SORCS3: variants seen among roughly 807,000 people sequenced by gnomAD.
The protein encoded by SORCS3 is VPS10 domain-containing receptor SorCS3.
Under a neutral mutation model 146.3 loss-of-function variants are expected in SORCS3, and 57 were observed. The observed-to-expected ratio is 0.39, with a 90% CI of 0.31 to 0.49. SORCS3 has a LOEUF of 0.49. Ranked by LOEUF, SORCS3 falls within the 20% of genes least tolerant of loss-of-function variation. SORCS3 has a pLI of 0.92. For missense variants in SORCS3, 1,341 were observed against 1,575.5 expected (o/e 0.85, Z 2.52); for synonymous variants, 653 against 618.5 (o/e 1.06, Z -0.83).
Position 105,218,085 on chromosome 10 carries a change from C to T in SORCS3, c.2734+963C>T, listed in dbSNP as rs144183916. On this transcript the variant is annotated intron_variant, in intron 19 of 26. Transcript: ENST00000369701. Reference sequence around the variant, plus strand: ...ACTCTATTGTATAAACAACCTACACCTTAAGAGGTCCCTGGCAAACAGTAA... The same window carrying T: ...ACTCTATTGTATAAACAACCTACACTTTAAGAGGTCCCTGGCAAACAGTAA... Among the ~76,000 whole-genome samples the T allele has an allele frequency of 5.9e-3, 898 of 152,264 alleles. 11 individuals are homozygous for T. The highest frequency in any genetic ancestry group is 0.027 in the Middle Eastern group (8 of 294).
At chr10:105,142,332 A>G (rs1476599262) in intron 8 of SORCS3, among the ~76,000 whole-genome samples, 1 of 152,132 alleles carries the variant, frequency 6.6e-6, no homozygotes, top group African/African-American at 2.4e-5. Flanking sequence ...GAAATGGCTT[A>G]TTGCAGACCC....
chr10:105,042,516 AG>A (rs1271639102), intron 4 of SORCS3, among the ~76,000 whole-genome samples: 1 of 152,168 alleles, frequency 6.6e-6, no homozygotes, highest in Non-Finnish European at 1.5e-5. Context: ...GGTGTTATAA[AG>A]GGGTCAGACT....
chr10:105,141,660 A>G (rs893799544), intron 8 of SORCS3, among the ~76,000 whole-genome samples: 1 of 152,128 alleles, frequency 6.6e-6, no homozygotes, highest in Non-Finnish European at 1.5e-5. Context: ...AACAATGAGG[A>G]GCATTATTAG....
chr10:105,118,330 A>G (rs190033802), intron 7 of SORCS3, among the ~76,000 whole-genome samples: 329 of 152,048 alleles, frequency 2.2e-3, no homozygotes, highest in Non-Finnish European at 3.5e-3. Context: ...TCCTTCTGTC[A>G]TGATTGTAAG....
chr10:104,884,699 C>T (rs1230765817), intron 2 of SORCS3, among the ~76,000 whole-genome samples: 2 of 151,828 alleles, frequency 1.3e-5, no homozygotes, highest in Non-Finnish European at 2.9e-5. Context: ...CAAAATTCAA[C>T]ACACTTAACA....
intron 2 of SORCS3, among the ~76,000 whole-genome samples, chr10:104,851,694 C>T (rs1369562960): frequency 1.3e-5 from 2 of 152,194 alleles, no homozygotes; most frequent in African/African-American, 4.8e-5. Flanking sequence ...TCAACTCACA[C>T]AGAGCCTATC....
At chr10:105,085,238 C>T (rs2055652548) in intron 5 of SORCS3, among the ~76,000 whole-genome samples, 1 of 152,232 alleles carries the variant, frequency 6.6e-6, no homozygotes, top group Admixed American at 6.5e-5. Flanking sequence ...ACAGTGCCAA[C>T]ATTGAAAAGC....
intron 2 of SORCS3, among the ~76,000 whole-genome samples, chr10:104,904,376 G>A (rs1000995237): frequency 2.2e-4 from 34 of 152,156 alleles, no homozygotes; most frequent in Admixed American, 9.2e-4. Flanking sequence ...GCACTTTATA[G>A]CAAGAGCTTT....
At chr10:104,725,740 T>C (rs920747493) in intron 1 of SORCS3, among the ~76,000 whole-genome samples, 23 of 152,188 alleles carry the variant, frequency 1.5e-4, no homozygotes, top group Admixed American at 1.4e-3. Context: ...GTGCTAGCAA[T>C]GAGCGAGGCT....
intron 14 of SORCS3, among the ~76,000 whole-genome samples, chr10:105,196,220 C>T (rs1358700519): frequency 1.3e-5 from 2 of 152,176 alleles, no homozygotes; most frequent in African/African-American, 4.8e-5. Flanking sequence ...TTGCATGCTG[C>T]TCCATAGATC....
chr10:105,233,069 G>A (rs533698287), intron 20 of SORCS3, among the ~76,000 whole-genome samples: 93 of 151,558 alleles, frequency 6.1e-4, no homozygotes, highest in African/African-American at 2.1e-3. Context: ...AATCAACTAT[G>A]TCCTTATTGA....
chr10:105,184,096 G>T (rs1046969215), intron 14 of SORCS3, among the ~76,000 whole-genome samples: 1 of 152,204 alleles, frequency 6.6e-6, no homozygotes, highest in Non-Finnish European at 1.5e-5. Context: ...CAAGAAACAG[G>T]CCACTTGCAG....
chr10:104,908,411 A>G (rs772884982), intron 2 of SORCS3, among the ~76,000 whole-genome samples: 6 of 152,240 alleles, frequency 3.9e-5, no homozygotes, highest in Non-Finnish European at 8.8e-5. Context: ...GGGTATTCAT[A>G]AAAATGACAG....
At chr10:105,254,451 C>T (rs551999557) in intron 23 of SORCS3, among the ~76,000 whole-genome samples, 1 of 152,308 alleles carries the variant, frequency 6.6e-6, no homozygotes, top group East Asian at 1.9e-4. Flanking sequence ...CTCTTTCTGT[C>T]TCTCACTCTC....
At position 105,255,760 on chromosome 10, in the gene SORCS3, C is replaced by T. The variant is rs749136180; in HGVS notation, c.3296C>T (p.Pro1099Leu). Residue 1099 changes from proline (P) to leucine (L), a missense_variant, in exon 24 of 27, where the codon CCG becomes CTG. By Grantham distance (98) the Pro-to-Leu change is moderately conservative. Coordinates refer to ENST00000369701, the MANE Select transcript of SORCS3 (RefSeq NM_014978.3). ...NQNLVQFELK[P>L]GVQVIVYVTQ... Reference sequence around the variant, plus strand: ...AATTTGGTCCAGTTTGAGCTGAAGCCGGGGGTACAAGTCATTGTGTATGTC... The same window carrying T: ...AATTTGGTCCAGTTTGAGCTGAAGCTGGGGGTACAAGTCATTGTGTATGTC... 34 of 1,613,612 alleles carry T rather than the reference C, an allele frequency of 2.1e-5. No homozygotes were observed. The highest frequency in any genetic ancestry group is 5.0e-5 in the Admixed American group (3 of 59,944).
chr10:104,872,448 A>G (rs2133568834), intron 2 of SORCS3, among the ~76,000 whole-genome samples: 1 of 152,264 alleles, frequency 6.6e-6, no homozygotes, highest in Non-Finnish European at 1.5e-5. Context: ...GTGAGTGTGC[A>G]TCAGCATTAC....
intron 3 of SORCS3, among the ~76,000 whole-genome samples, chr10:104,934,197 G>T (rs761124912): frequency 6.6e-6 from 1 of 152,116 alleles, no homozygotes; most frequent in African/African-American, 2.4e-5. Context: ...GGCAGCCAAT[G>T]GATTGATTGC....
At chr10:105,164,252 C>T (rs1164659955) in intron 11 of SORCS3, 51 bp from the exon 12 acceptor site, 1 of 1,405,740 alleles carries the variant, frequency 7.1e-7, no homozygotes, top group East Asian at 2.3e-5. Flanking sequence ...GCCCTAAGCA[C>T]ACTTAATTGG....
chr10:105,123,029 C>T (rs2055945826), intron 7 of SORCS3, among the ~76,000 whole-genome samples: 1 of 152,228 alleles, frequency 6.6e-6, no homozygotes, highest in Non-Finnish European at 1.5e-5. Flanking sequence ...GAAAAGATTA[C>T]ATTAAAGAAG....
Sources: gnomAD v4.1 joint callset for allele counts (sites outside exome capture counted in the v4.1 genomes callset) on GRCh38, gnomAD v4.1.1 for gene constraint, MANE v1.5 for transcripts, NCBI Gene and HGNC (gene_info 2026-07-23, HGNC 2026-07-21) for gene names.